SEC23B: variants seen among roughly 807,000 people sequenced by gnomAD.
SEC23B encodes protein transport protein Sec23B.
Under a neutral mutation model 104.3 loss-of-function variants are expected in SEC23B, and 77 were observed. The ratio of observed to expected loss-of-function variants is 0.74; its 90% CI spans 0.61 to 0.89. SEC23B has a LOEUF of 0.89. Ranked by LOEUF, SEC23B falls within the 40% of genes least tolerant of loss-of-function variation. The pLI is 0.00. For missense variants in SEC23B, 885 were observed against 949.4 expected, an observed-to-expected ratio of 0.93 and a Z score of 0.89; for synonymous variants, 338 against 332.5, an observed-to-expected ratio of 1.02 and a Z score of -0.18.
chr20:18,528,281 G>A (rs6075358), intron 9 of SEC23B, among the ~76,000 whole-genome samples: 18,278 of 152,214 alleles, frequency 0.12, 1,424 homozygotes, highest in Non-Finnish European at 0.17. Context: ...AGCTGCCTAC[G>A]TATTGTTATC....
rs2060018444 is a variant in SEC23B at position 18,515,672 on chromosome 20, TATCTGAGGTGA to T, written c.306_316del (p.Glu103ThrfsTer12). 6.2e-7 allele frequency: 1 copy of T among 1,609,982 alleles called. No individual in the cohort carries two copies. Among genetic ancestry groups the T allele is most frequent in the African/African-American group, 1.3e-5 (1 of 74,868 alleles). Reference sequence around the variant, plus strand: ...CAGTTTCCTCCAGCTTATGGAGGCATATCTGAGGTGAATCAACCTGCCGAATTGATGCCCCA... The same window carrying T: ...CAGTTTCCTCCAGCTTATGGAGGCATATCAACCTGCCGAATTGATGCCCCA... On this transcript the variant is annotated frameshift_variant, in exon 4 of 20. Transcript: ENST00000650089. LOFTEE classifies it high-confidence loss of function.
In SEC23B at chr20:18,525,810, A is replaced by G. The variant is rs2060128412; in HGVS notation, c.712A>G (p.Ile238Val). 6.2e-7 allele frequency: 1 copy of G among 1,614,060 alleles called. No individual in the cohort carries two copies. Among genetic ancestry groups the G allele is most frequent in the Admixed American group, 1.7e-5 (1 of 60,000 alleles). ...SSRFLQPVHK[I>V]DMNLTDLLGE... ...CAGATTTCTGCAGCCTGTTCACAAG[A>G]TTGATATGAACCTCACTGATCTTCT... Residue 238 changes from isoleucine to valine, a missense_variant, in exon 7 of 20, where the codon ATT becomes GTT. Physicochemically the swap from Ile to Val is conservative, Grantham distance 29. Coordinates refer to ENST00000650089, the MANE Select transcript of SEC23B (RefSeq NM_006363.6).
chr20:18,539,590 G>C (rs2060269781), intron 12 of SEC23B, among the ~76,000 whole-genome samples: 1 of 150,324 alleles, frequency 6.7e-6, no homozygotes, highest in Non-Finnish European at 1.5e-5. Flanking sequence ...AGCCACCTTG[G>C]CCTCCCAAAG....
intron 4 of SEC23B, among the ~76,000 whole-genome samples, chr20:18,518,384 G>C (rs2060049783): frequency 6.6e-6 from 1 of 152,160 alleles, no homozygotes; most frequent in Non-Finnish European, 1.5e-5. Context: ...GATGTGTAAG[G>C]AAGGGAGGGG....
intron 19 of SEC23B, among the ~76,000 whole-genome samples, chr20:18,559,157 G>A (rs371870098): frequency 6.6e-6 from 1 of 151,472 alleles, no homozygotes; most frequent in South Asian, 2.1e-4. Flanking sequence ...GGCCTCTGTT[G>A]ACACCTCGGG....
intron 15 of SEC23B, among the ~76,000 whole-genome samples, chr20:18,547,930 T>G (rs945131047): frequency 5.9e-5 from 9 of 152,126 alleles, no homozygotes; most frequent in African/African-American, 1.7e-4. Flanking sequence ...TTAAAAAAAT[T>G]TTGTATTTTT....
At chr20:18,545,603 C>T (rs1041650625) in intron 14 of SEC23B, among the ~76,000 whole-genome samples, 1 of 152,150 alleles carries the variant, frequency 6.6e-6, no homozygotes, top group African/African-American at 2.4e-5. Flanking sequence ...AACATCAAAG[C>T]GTAACTATAA....
At chr20:18,511,800 A>C (rs2059984338) in intron 2 of SEC23B, among the ~76,000 whole-genome samples, 1 of 152,216 alleles carries the variant, frequency 6.6e-6, no homozygotes, top group Non-Finnish European at 1.5e-5. Context: ...GTCAGGTTAA[A>C]AATCTAGAAG....
intron 15 of SEC23B, among the ~76,000 whole-genome samples, chr20:18,547,426 A>C (rs1271843045): frequency 6.6e-6 from 1 of 152,218 alleles, no homozygotes; most frequent in Non-Finnish European, 1.5e-5. Flanking sequence ...TTGGAGTCTC[A>C]GGAAGCTTTA....
intron 19 of SEC23B, among the ~76,000 whole-genome samples, chr20:18,560,275 C>G (rs1300743618): frequency 6.6e-6 from 1 of 152,040 alleles, no homozygotes; most frequent in Non-Finnish European, 1.5e-5. Context: ...GTGGGTACAC[C>G]ATTATCCAGC....
chr20:18,546,014 C>G lies in SEC23B; in HGVS notation c.1724C>G (p.Ser575Cys). ...EDPTSFRLSD[S>C]FSLYPQFMFH... ...CCCACTTCTTTTAGGTTATCAGATT[C>G]CTTTTCTCTATATCCTCAGGTAAGT... The change falls in exon 15 of 20, where the codon TCC (serine) becomes TGC (cysteine). Residue 575 changes from serine to cysteine, a missense_variant. Coordinates refer to ENST00000650089, the MANE Select transcript of SEC23B (RefSeq NM_006363.6). 2 of 1,565,132 alleles carry G rather than the reference C, an allele frequency of 1.3e-6. No individual in the cohort carries two copies. Among genetic ancestry groups the G allele is most frequent in the Non-Finnish European group, 8.8e-7 (1 of 1,135,496 alleles).
chr20:18,511,868 C>T (rs1166568014), intron 2 of SEC23B, among the ~76,000 whole-genome samples: 4 of 151,290 alleles, frequency 2.6e-5, no homozygotes, highest in Non-Finnish European at 4.4e-5. Flanking sequence ...TTCACATAGC[C>T]GGACAATAAA....
At position 18,511,063 on chromosome 20, in the gene SEC23B, A is replaced by G; in HGVS notation, c.221+7A>G. On this transcript the variant is annotated splice_region_variant and intron_variant, in intron 2 of 19. Transcript: ENST00000650089. ...CTGTTCTCAACCCACTTTGGTATGG[A>G]TTCTTTTGAAACTGGTAAAAATGAT... 1.9e-6 allele frequency: 3 copies of G among 1,583,256 alleles called. No homozygotes were observed. The highest frequency in any genetic ancestry group is 2.6e-6 in the Non-Finnish European group (3 of 1,151,814).
chr20:18,539,450 C>T (rs1271256139), intron 12 of SEC23B, among the ~76,000 whole-genome samples: 9 of 142,084 alleles, frequency 6.3e-5, no homozygotes, highest in African/African-American at 2.4e-4. Context: ...GCGGAGGTTG[C>T]AGTGAGCCAA....
intron 4 of SEC23B, among the ~76,000 whole-genome samples, chr20:18,518,542 A>T (rs1207071421): frequency 6.6e-6 from 1 of 150,400 alleles, no homozygotes; most frequent in African/African-American, 2.4e-5. Context: ...AGATTATGAA[A>T]TGACAACAGA....
At chr20:18,542,270 C>A (rs886080118) in intron 12 of SEC23B, 26 bp from the exon 13 acceptor site, 3 of 1,599,928 alleles carry the variant, frequency 1.9e-6, no homozygotes, top group African/African-American at 2.7e-5. Context: ...CTATAACAGA[C>A]AAGGTTATGG....
intron 14 of SEC23B, among the ~76,000 whole-genome samples, chr20:18,545,388 G>A (rs1185949003): frequency 6.6e-6 from 1 of 152,216 alleles, no homozygotes; most frequent in Non-Finnish European, 1.5e-5. Flanking sequence ...ATGCTGCTAG[G>A]AAGTTCAAGA....
rs960416435 is a variant in SEC23B, at chr20:18,521,714, G to A, written c.367-2719G>A. On this transcript the variant is annotated intron_variant, in intron 4 of 19. Transcript: ENST00000650089. ...GAGCAACCTGGGGAGAAGGGGAGAGGTCAGATGAGTCCGTAGAAAAGGATT... is the reference window on the plus strand; with the variant it reads ...GAGCAACCTGGGGAGAAGGGGAGAGATCAGATGAGTCCGTAGAAAAGGATT... Among the ~76,000 whole-genome samples, 4 of 152,072 alleles carry A rather than the reference G, an allele frequency of 2.6e-5. No individual in the cohort carries two copies. The East Asian group carries it at 5.8e-4, about 22-fold the overall frequency.
chr20:18,545,257 G>A (rs2060321896), intron 14 of SEC23B, among the ~76,000 whole-genome samples: 1 of 152,162 alleles, frequency 6.6e-6, no homozygotes, highest in African/African-American at 2.4e-5. Context: ...GGGGGAGGAG[G>A]AAGACAAAAC....
Sources: gnomAD v4.1 joint callset for allele counts (sites outside exome capture counted in the v4.1 genomes callset) on GRCh38, gnomAD v4.1.1 for gene constraint, MANE v1.5 for transcripts, NCBI Gene and HGNC (gene_info 2026-07-23, HGNC 2026-07-21) for gene names.